NAALADL2: variants seen among roughly 807,000 people sequenced by gnomAD.
NAALADL2 encodes the protein N-acetylated alpha-linked acidic dipeptidase like 2.
A neutral mutation model predicts 87.2 loss-of-function variants in NAALADL2; 76 were observed. The observed-to-expected ratio is 0.87, with a 90% CI of 0.72 to 1.05. NAALADL2 has a LOEUF of 1.05. NAALADL2 is among the 50% of genes least tolerant of loss of function. The probability of loss-of-function intolerance (pLI) is 0.00; values close to 1 mark genes in which losing one functional copy is unlikely to be tolerated. For synonymous variants in NAALADL2, 354 were observed against 331.0 expected (o/e 1.07, Z -0.75); for missense variants, 1,089 against 945.8 (o/e 1.15, Z -1.99).
chr3:175,130,141 T>G (rs1727600198), intron 2 of NAALADL2, among the ~76,000 whole-genome samples: 1 of 152,214 alleles, frequency 6.6e-6, no homozygotes, highest in African/African-American at 2.4e-5. Context: ...TCTTCCCCAT[T>G]TTTAAAATCA....
chr3:175,628,715 T>C (rs1727349015), intron 11 of NAALADL2, among the ~76,000 whole-genome samples: 1 of 149,454 alleles, frequency 6.7e-6, no homozygotes, highest in African/African-American at 2.4e-5. Flanking sequence ...CATTCTTAAA[T>C]CTTAGTGAAA....
At chr3:174,482,931 G>A (rs894587252) in intron 1 of NAALADL2, among the ~76,000 whole-genome samples, 2 of 152,012 alleles carry the variant, frequency 1.3e-5, no homozygotes, top group African/African-American at 4.8e-5. Context: ...TCCCACTCAA[G>A]AAATCATAAG....
At chr3:175,389,503 T>C (rs1030590400) in intron 5 of NAALADL2, among the ~76,000 whole-genome samples, 3 of 152,342 alleles carry the variant, frequency 2.0e-5, no homozygotes, top group Non-Finnish European at 4.4e-5. Flanking sequence ...TTTTTCTTCC[T>C]GCTTGAATTA....
chr3:175,669,442 G>A (rs1242973730), intron 11 of NAALADL2, among the ~76,000 whole-genome samples: 1 of 152,028 alleles, frequency 6.6e-6, no homozygotes, highest in African/African-American at 2.4e-5. Flanking sequence ...TCCTGATGAT[G>A]TGCATCTTTA....
chr3:175,300,638 C>T (rs1387306558), intron 4 of NAALADL2, among the ~76,000 whole-genome samples: 2 of 151,764 alleles, frequency 1.3e-5, no homozygotes, highest in Non-Finnish European at 2.9e-5. Context: ...GTGATCCCCC[C>T]TTTATCATAT....
In NAALADL2 at chr3:175,544,382, TAGCTAA is replaced by T. The variant is rs147211238; in HGVS notation, c.1654-31657_1654-31652del. 3.3e-3 allele frequency among the ~76,000 whole-genome samples: 495 copies of T among 152,284 alleles called. 1 individual carries two copies. Among genetic ancestry groups the T allele is most frequent in the African/African-American group, 0.012 (479 of 41,554 alleles). The stretch of plus-strand genomic sequence containing the variant: ...TCCTGCAAGAATTTTCTGGAACAAA[TAGCTAA>T]ATCATGTCGACATGATAGAGATGGT... On this transcript the variant is annotated intron_variant, in intron 9 of 13. Transcript: ENST00000454872.
chr3:175,037,770 G>C (rs977855417), intron 1 of NAALADL2, among the ~76,000 whole-genome samples: 1 of 152,074 alleles, frequency 6.6e-6, no homozygotes, highest in Non-Finnish European at 1.5e-5. Flanking sequence ...AGTTCTAAGG[G>C]GGTGGCTGGA....
At chr3:175,616,960 C>T (rs1229454541) in intron 10 of NAALADL2, among the ~76,000 whole-genome samples, 2 of 152,134 alleles carry the variant, frequency 1.3e-5, no homozygotes, top group African/African-American at 4.8e-5. Context: ...GTTGCCCAAG[C>T]TTCTGGATTA....
intron 2 of NAALADL2, among the ~76,000 whole-genome samples, chr3:174,720,076 A>T (rs1366972817): frequency 1.3e-5 from 2 of 152,194 alleles, no homozygotes; most frequent in Non-Finnish European, 2.9e-5. Flanking sequence ...CTGGGATTAC[A>T]GGCGTGACCC....
At chr3:175,787,464 G>T (rs970366477) in intron 13 of NAALADL2, among the ~76,000 whole-genome samples, 3 of 152,328 alleles carry the variant, frequency 2.0e-5, no homozygotes, top group Admixed American at 6.5e-5. Context: ...GGATGGGAGT[G>T]ACCCGATTTT....
intron 2 of NAALADL2, among the ~76,000 whole-genome samples, chr3:174,716,848 A>G (rs918063985): frequency 1.4e-4 from 22 of 152,288 alleles, no homozygotes; most frequent in African/African-American, 4.6e-4. Context: ...CATATAATCA[A>G]TATGTTATTG....
At chr3:174,640,438 T>G (rs1442748904) in intron 2 of NAALADL2, among the ~76,000 whole-genome samples, 2 of 148,464 alleles carry the variant, frequency 1.3e-5, no homozygotes, top group East Asian at 2.0e-4. Flanking sequence ...CAGATCAATT[T>G]TATAGAAGAT....
chr3:175,532,722 G>A (rs930291615), intron 9 of NAALADL2, among the ~76,000 whole-genome samples: 11 of 152,212 alleles, frequency 7.2e-5, no homozygotes, highest in Admixed American at 2.0e-4. Context: ...TATGAGTGTC[G>A]CCACCTGGCT....
chr3:174,604,043 G>C lies in NAALADL2; in HGVS notation c.-115+53406G>C, dbSNP rs565880068. On this transcript the variant is annotated intron_variant, in intron 2 of 3. Transcript: ENST00000434257. Reference sequence around the variant, plus strand: ...AAAAGAGTGTCTATCCTACAGCCATGCGATAAAATGTTCTATAAATATATA... The same window carrying C: ...AAAAGAGTGTCTATCCTACAGCCATCCGATAAAATGTTCTATAAATATATA... Among the ~76,000 whole-genome samples, 252 of 152,162 alleles carry C rather than the reference G, an allele frequency of 1.7e-3. 2 individuals are homozygous for C. Among genetic ancestry groups the C allele is most frequent in the African/African-American group, 5.7e-3 (235 of 41,528 alleles).
At chr3:175,702,475 A>T (rs1261774926) in intron 11 of NAALADL2, among the ~76,000 whole-genome samples, 1 of 152,190 alleles carries the variant, frequency 6.6e-6, no homozygotes, top group Non-Finnish European at 1.5e-5. Context: ...AAGACAGAAA[A>T]AAAAACTAAA....
At chr3:174,963,484 G>C (rs1742425121) in intron 1 of NAALADL2, among the ~76,000 whole-genome samples, 1 of 151,968 alleles carries the variant, frequency 6.6e-6, no homozygotes, top group Non-Finnish European at 1.5e-5. Flanking sequence ...CACTCTTTTG[G>C]GGAAAACCTT....
chr3:174,839,821 G>A (rs1723802993), intron 3 of NAALADL2, among the ~76,000 whole-genome samples: 1 of 149,254 alleles, frequency 6.7e-6, no homozygotes, highest in Non-Finnish European at 1.5e-5. Context: ...TGAACGAATG[G>A]CCATAATAAA....
At chr3:175,424,844 T>C (rs1267365561) in intron 5 of NAALADL2, among the ~76,000 whole-genome samples, 1 of 152,186 alleles carries the variant, frequency 6.6e-6, no homozygotes, top group Non-Finnish European at 1.5e-5. Flanking sequence ...CTGGGTGGCA[T>C]ATAATAACAC....
At chr3:175,423,052 T>TATATATATATA (rs1491115866) in intron 5 of NAALADL2, among the ~76,000 whole-genome samples, 25 of 98,414 alleles carry the variant, frequency 2.5e-4, no homozygotes, top group African/African-American at 8.2e-4. Context: ...TATATATATA[T>TATATATATATA]TTTTTTTTTT....
Sources: allele counts gnomAD v4.1 joint callset (sites outside exome capture counted in the v4.1 genomes callset), GRCh38; gene constraint gnomAD v4.1.1; transcripts MANE v1.5; gene names NCBI Gene and HGNC (gene_info 2026-07-23, HGNC 2026-07-21).